Variants in FRMPD3 observed in about 807,000 individuals in gnomAD.
FRMPD3 encodes FERM and PDZ domain containing 3, also known as FERM and PDZ domain-containing protein 3.
Under a neutral mutation model 97.9 loss-of-function variants are expected in FRMPD3, and 42 were observed. The observed-to-expected ratio is 0.43, with a 90% CI of 0.34 to 0.55. FRMPD3 has a LOEUF of 0.55. Among genes scored for constraint, FRMPD3 ranks in the 20% least tolerant of loss-of-function variants. The probability of loss-of-function intolerance (pLI) is 0.03; values close to 1 mark genes in which losing one functional copy is unlikely to be tolerated. For missense variants in FRMPD3, 1,303 were observed against 1,457.7 expected, an observed-to-expected ratio of 0.89 and a Z score of 1.73; for synonymous variants, 577 against 581.1, an observed-to-expected ratio of 0.99 and a Z score of 0.10.
chrX:107,597,662 C>G lies in FRMPD3; in HGVS notation c.1783C>G (p.Arg595Gly), dbSNP rs754815527. Residue 595 changes from arginine (R) to glycine (G), a missense_variant, in exon 14 of 15, where the codon CGG (arginine) becomes GGG (glycine). Arg to Gly is a moderately radical substitution (Grantham distance 125). This residue lies in a region of FRMPD3 where 535 missense variants were observed against 618.6 expected (regional missense o/e 0.86). Coordinates refer to ENST00000683843, the MANE Select transcript of FRMPD3 (RefSeq NM_001388459.1). ...CCACGAGCCTTGTGCCAGCAGGGCC[C>G]GGTCCTACACCTTGGACAATTCCCT... is the stretch of plus-strand genomic sequence containing the variant. The part of the protein sequence containing the change: ...LDHEPCASRA[R>G]SYTLDNSLGA... 1 of 1,208,693 alleles carries G rather than the reference C, an allele frequency of 8.3e-7. No homozygotes were observed. The highest frequency in any genetic ancestry group is 2.2e-5 in the Admixed American group (1 of 45,729).
intron 8 of FRMPD3, 88 bp from the exon 9 acceptor site, chrX:107,560,169 G>A: frequency 1.9e-6 from 2 of 1,061,854 alleles, no homozygotes; most frequent in Non-Finnish European, 1.3e-6. Flanking sequence ...GATACTATGA[G>A]TATTGTCTGG....
intron 10 of FRMPD3, 95 bp downstream of exon 10, chrX:107,560,948 A>G: frequency 1.1e-6 from 1 of 942,830 alleles, no homozygotes; most frequent in Non-Finnish European, 1.4e-6. Context: ...TCCTCTAGGG[A>G]TCCTCACCAC....
At chrX:107,567,610 G>A (rs990689366) in intron 12 of FRMPD3, among the ~76,000 whole-genome samples, 1 of 111,687 alleles carries the variant, frequency 9.0e-6, no homozygotes, top group Non-Finnish European at 1.9e-5. Context: ...TGTGCAGGTC[G>A]ATAAGCATAG....
At chrX:107,455,705 T>C (rs1424579997) in intron 1 of FRMPD3, among the ~76,000 whole-genome samples, 1 of 112,092 alleles carries the variant, frequency 8.9e-6, no homozygotes, top group African/African-American at 3.2e-5. Flanking sequence ...TGTTGATTCA[T>C]ATTAGACAGG....
At chrX:107,483,320 A>C (rs763562667) in intron 1 of FRMPD3, among the ~76,000 whole-genome samples, 1 of 112,347 alleles carries the variant, frequency 8.9e-6, no homozygotes, top group Non-Finnish European at 1.9e-5. Context: ...GCATTCACCC[A>C]GAAGGAGTAA....
At chrX:107,543,607 G>A (rs1478172154) in intron 4 of FRMPD3, among the ~76,000 whole-genome samples, 2 of 110,424 alleles carry the variant, frequency 1.8e-5, no homozygotes, top group Non-Finnish European at 3.8e-5. Context: ...CTTGAGGTCA[G>A]TAGTTCGAGA....
In FRMPD3 at chrX:107,530,387, A is replaced by G. The variant is rs762303210; in HGVS notation, c.149-22A>G. The G allele has an allele frequency of 3.9e-5, 45 of 1,140,476 alleles. 1 individual carries two copies. The South Asian group carries it at 7.7e-4, about 19-fold the overall frequency. 94.0% of individuals were successfully genotyped at this position (1,140,476 alleles called of 1,213,427 possible). A position where few individuals can be genotyped will look rare whatever the true frequency, so the allele number is the denominator to read the frequency against. On this transcript the variant is annotated intron_variant, in intron 2 of 14. Coordinates refer to ENST00000683843, the MANE Select transcript of FRMPD3 (RefSeq NM_001388459.1). Reference sequence around the variant, plus strand: ...CCCAGCAGTAACCCTAAGCCCTCACACCTCTCTCCTCTCCTTTGCAGGAGG... The same window carrying G: ...CCCAGCAGTAACCCTAAGCCCTCACGCCTCTCTCCTCTCCTTTGCAGGAGG...
Position 107,560,779 on chromosome X carries a change from A to G in FRMPD3, c.952A>G (p.Lys318Glu). The G allele has an allele frequency of 8.5e-7, 1 of 1,178,718 alleles. No individual in the cohort carries two copies. The highest frequency in any genetic ancestry group is 1.8e-5 in the African/African-American group (1 of 56,709). Reference sequence around the variant, plus strand: ...TCCCCCCTCCCTCCTGCAGGTCATCAAAGAGAAGAACCTCCGGAAATCTCT... The same window carrying G: ...TCCCCCCTCCCTCCTGCAGGTCATCGAAGAGAAGAACCTCCGGAAATCTCT... The part of the protein sequence containing the change: ...FLPPSLLQVI[K>E]EKNLRKSLSQ... Residue 318 changes from lysine (K) to glutamate (E), a missense_variant, in exon 10 of 15, where the codon AAA (lysine) becomes GAA (glutamate). By Grantham distance (56) the Lys-to-Glu change is moderately conservative. This residue lies in a region of FRMPD3 where 535 missense variants were observed against 618.6 expected (regional missense o/e 0.86). Coordinates refer to ENST00000683843, the MANE Select transcript of FRMPD3 (RefSeq NM_001388459.1).
intron 1 of FRMPD3, among the ~76,000 whole-genome samples, chrX:107,465,504 T>G (rs1478376095): frequency 9.0e-6 from 1 of 110,943 alleles, no homozygotes; most frequent in Non-Finnish European, 1.9e-5. Flanking sequence ...AGATATGTCT[T>G]GAGATAGGCT....
At chrX:107,575,013 A>G (rs1923048029) in intron 12 of FRMPD3, among the ~76,000 whole-genome samples, 2 of 112,438 alleles carry the variant, frequency 1.8e-5, no homozygotes, top group South Asian at 3.7e-4. Flanking sequence ...TAAAATTACA[A>G]TACAGATACT....
At chrX:107,573,181 C>T (rs1485365165) in intron 12 of FRMPD3, among the ~76,000 whole-genome samples, 1 of 111,845 alleles carries the variant, frequency 8.9e-6, no homozygotes, top group East Asian at 2.8e-4. Flanking sequence ...CTCAGTATCT[C>T]AGCACACAGG....
intron 13 of FRMPD3, among the ~76,000 whole-genome samples, chrX:107,594,308 G>A (rs1449046416): frequency 1.8e-5 from 2 of 111,926 alleles, no homozygotes; most frequent in Admixed American, 9.6e-5. Flanking sequence ...TCTGTGAACA[G>A]TGACAATTCG....
intron 1 of FRMPD3, among the ~76,000 whole-genome samples, chrX:107,455,640 G>C (rs937299400): frequency 2.7e-5 from 3 of 111,342 alleles, no homozygotes; most frequent in African/African-American, 9.8e-5. Flanking sequence ...CATAGCATAT[G>C]TGCCTAATAC....
intron 10 of FRMPD3, among the ~76,000 whole-genome samples, chrX:107,561,192 G>A (rs1044317215): frequency 9.0e-6 from 1 of 111,396 alleles, no homozygotes. Flanking sequence ...CCCTAGGGAG[G>A]CACATGTTTT....
intron 12 of FRMPD3, among the ~76,000 whole-genome samples, chrX:107,565,763 A>G (rs921024896): frequency 2.7e-5 from 3 of 111,660 alleles, no homozygotes; most frequent in African/African-American, 9.7e-5. Context: ...AAAAAATTAT[A>G]TTCATGTGGA....
chrX:107,597,265 C>A, intron 13 of FRMPD3, 56 bp from the exon 14 acceptor site: 1 of 1,017,533 alleles, frequency 9.8e-7, no homozygotes. Context: ...AACAAGGGAG[C>A]TCATTCACAA....
At chrX:107,594,129 A>G (rs1206305254) in intron 13 of FRMPD3, among the ~76,000 whole-genome samples, 1 of 111,563 alleles carries the variant, frequency 9.0e-6, no homozygotes, top group Non-Finnish European at 1.9e-5. Flanking sequence ...CTATTGTAAG[A>G]AGGGTGAAGT....
chrX:107,461,870 A>G (rs986591713), intron 1 of FRMPD3, among the ~76,000 whole-genome samples: 6 of 108,101 alleles, frequency 5.6e-5, no homozygotes, highest in African/African-American at 2.0e-4. Context: ...CCACTTCCCA[A>G]TGCCCAGACT....
intron 4 of FRMPD3, among the ~76,000 whole-genome samples, chrX:107,541,680 A>C (rs1156376596): frequency 8.9e-6 from 1 of 111,776 alleles, no homozygotes; most frequent in Non-Finnish European, 1.9e-5. Flanking sequence ...CACCCTCTTC[A>C]CTGTGGTGAA....
Sources: allele counts gnomAD v4.1 joint callset (sites outside exome capture counted in the v4.1 genomes callset), GRCh38; gene constraint gnomAD v4.1.1; regional missense constraint gnomAD v4.1.1; transcripts MANE v1.5; gene names NCBI Gene and HGNC (gene_info 2026-07-23, HGNC 2026-07-21).